DAP3: variants seen among roughly 807,000 people sequenced by gnomAD.
DAP3 encodes the protein death associated protein 3.
In DAP3, 28 loss-of-function variants were observed where a neutral mutation model predicts 51.9. That is an observed-to-expected ratio of 0.54 (90% CI 0.40 to 0.74). The LOEUF (loss-of-function observed/expected upper bound fraction) is 0.74. Among genes scored for constraint, DAP3 ranks in the 30% least tolerant of loss-of-function variants. The probability of loss-of-function intolerance (pLI) is 0.00; values close to 1 mark genes in which losing one functional copy is unlikely to be tolerated. For missense variants in DAP3, 458 were observed against 483.5 expected (o/e 0.95, Z 0.49); for synonymous variants, 170 against 170.3 (o/e 1.00, Z 0.01).
rs1656025261 is a variant in DAP3 at position 155,706,702 on chromosome 1, G to C, written c.-7-3071G>C. Among the ~76,000 whole-genome samples, 4 of 152,072 alleles carry C rather than the reference G, an allele frequency of 2.6e-5. No homozygotes were observed. The South Asian group carries it at 8.3e-4, about 32-fold the overall frequency. On this transcript the variant is annotated intron_variant, in intron 1 of 12. Coordinates refer to ENST00000368336, the MANE Select transcript of DAP3 (RefSeq NM_004632.4). ...GAATCGCTTGAGCCCGGGGAGGCAA[G>C]GTTCCAGTGAACTCCAGCTTGGGTG...
chr1:155,726,113 CTT>C (rs377658512), intron 6 of DAP3, 94 bp downstream of exon 6: 18,648 of 658,386 alleles, frequency 0.028, no homozygotes, highest in South Asian at 0.04. Flanking sequence ...CTTTTCTTTT[CTT>C]TTTTTTTTTT....
At chr1:155,706,813 C>CTATTA (rs2149137993) in intron 1 of DAP3, among the ~76,000 whole-genome samples, 1 of 151,202 alleles carries the variant, frequency 6.6e-6, no homozygotes, top group Admixed American at 6.6e-5. Flanking sequence ...GCCAAGGGGG[C>CTATTA]CGGGTGTGGT....
rs1050806587 is a variant in DAP3 at position 155,730,181 on chromosome 1, G to A, written c.843+815G>A. Among the ~76,000 whole-genome samples the A allele has an allele frequency of 3.4e-5, 5 of 146,536 alleles. No individual in the cohort carries two copies. The South Asian group carries it at 8.5e-4, about 25-fold the overall frequency. ...CGAATATACCTATATGTTCATATAT[G>A]TATATATAATATTCATATATGTATA... is the stretch of plus-strand genomic sequence containing the variant. On this transcript the variant is annotated intron_variant, in intron 9 of 12. Coordinates refer to ENST00000368336, the MANE Select transcript of DAP3 (RefSeq NM_004632.4).
intron 2 of DAP3, among the ~76,000 whole-genome samples, chr1:155,714,214 G>A (rs1476269767): frequency 1.3e-5 from 2 of 152,120 alleles, no homozygotes; most frequent in African/African-American, 4.8e-5. Context: ...TTTTGACATC[G>A]TTCTGGAACC....
chr1:155,689,269 C>A (rs1300732149), intron 1 of DAP3, 95 bp downstream of exon 1: 1 of 660,366 alleles, frequency 1.5e-6, no homozygotes, highest in African/African-American at 1.8e-5. Flanking sequence ...GGTAGACCGG[C>A]GCGCCTCCGG....
At chr1:155,719,261 GTT>G (rs1351121988) in intron 3 of DAP3, among the ~76,000 whole-genome samples, 1 of 144,916 alleles carries the variant, frequency 6.9e-6, no homozygotes, top group East Asian at 2.0e-4. Flanking sequence ...TTGAGACAGA[GTT>G]TCACTCTTCT....
chr1:155,714,852 G>A (rs1424959004), intron 2 of DAP3, among the ~76,000 whole-genome samples: 1 of 152,184 alleles, frequency 6.6e-6, no homozygotes, highest in Non-Finnish European at 1.5e-5. Context: ...GTCATAAAAT[G>A]GGTGTAAGTG....
chr1:155,734,949 A>G (rs1659603462), intron 11 of DAP3, among the ~76,000 whole-genome samples: 1 of 152,132 alleles, frequency 6.6e-6, no homozygotes, highest in African/African-American at 2.4e-5. Context: ...ATACTAGAAT[A>G]TATGAAAAGT....
chr1:155,711,416 C>T (rs542189449), intron 2 of DAP3, among the ~76,000 whole-genome samples: 9 of 152,134 alleles, frequency 5.9e-5, no homozygotes, highest in African/African-American at 1.9e-4. Context: ...TCGCTTGAAC[C>T]CAAGAGGTAG....
At chr1:155,721,358 GTA>G (rs951082828) in intron 3 of DAP3, among the ~76,000 whole-genome samples, 157 bp from the exon 4 acceptor site, 1 of 147,430 alleles carries the variant, frequency 6.8e-6, no homozygotes, top group Admixed American at 6.8e-5. Flanking sequence ...ATATGTATGT[GTA>G]TATATATATG....
chr1:155,693,967 A>G (rs529176692), intron 1 of DAP3, among the ~76,000 whole-genome samples: 2 of 141,468 alleles, frequency 1.4e-5, no homozygotes, highest in Non-Finnish European at 2.9e-5. Context: ...CTCTCAAAAA[A>G]AAAGAAAGAA....
In DAP3 at chr1:155,736,752, G is replaced by C; in HGVS notation, c.994-194G>C. 4 of 587,516 alleles carry C rather than the reference G, an allele frequency of 6.8e-6. No individual in the cohort carries two copies. In the South Asian group the frequency reaches 7.7e-5, roughly 11 times the overall value. 36.4% of individuals were successfully genotyped at this position (587,516 alleles called of 1,614,324 possible). On this transcript the variant is annotated intron_variant, in intron 11 of 12. Transcript: ENST00000368336. ...AATATATAGCATTTGTGGCCACGTA[G>C]AGCACGAGTAGCCAGCCACCATATG... is the stretch of plus-strand genomic sequence containing the variant.
At chr1:155,696,312 A>G (rs570816908) in intron 1 of DAP3, among the ~76,000 whole-genome samples, 17 of 151,906 alleles carry the variant, frequency 1.1e-4, no homozygotes, top group African/African-American at 3.9e-4. Flanking sequence ...CTCTTAACTC[A>G]TTCATGGCCT....
chr1:155,708,687 A>G (rs1004776766), intron 1 of DAP3, among the ~76,000 whole-genome samples: 1 of 143,456 alleles, frequency 7.0e-6, no homozygotes, highest in Non-Finnish European at 1.5e-5. Flanking sequence ...GGTGCATATC[A>G]CCACTCCTGA....
intron 1 of DAP3, among the ~76,000 whole-genome samples, chr1:155,690,230 G>T (rs1653558933): frequency 7.1e-6 from 1 of 141,594 alleles, no homozygotes; most frequent in African/African-American, 3.2e-5. Context: ...CTCCAGATGT[G>T]GAATCTTCTA....
At chr1:155,725,084 G>C (rs1658425589) in intron 4 of DAP3, among the ~76,000 whole-genome samples, 1 of 151,982 alleles carries the variant, frequency 6.6e-6, no homozygotes, top group Admixed American at 6.6e-5. Context: ...ACATAATTTT[G>C]TTATGAGATA....
intron 4 of DAP3, among the ~76,000 whole-genome samples, chr1:155,723,665 A>G (rs1363101622): frequency 6.6e-6 from 1 of 152,160 alleles, no homozygotes; most frequent in Admixed American, 6.6e-5. Flanking sequence ...GTTTTTTTGA[A>G]CATTGAGCCT....
chr1:155,729,379 G>A lies in DAP3; in HGVS notation c.843+13G>A. The A allele has an allele frequency of 6.2e-7, 1 of 1,612,740 alleles. No homozygotes were observed. On this transcript the variant is annotated intron_variant, in intron 9 of 12. Transcript: ENST00000368336. ...AGATAAAAGCCCGGTAGGAAAACTG[G>A]GTGTCTCTATCTTGTTTCTCTGATT... is the stretch of plus-strand genomic sequence containing the variant.
chr1:155,703,703 A>G, intron 1 of DAP3, among the ~76,000 whole-genome samples: 1 of 152,012 alleles, frequency 6.6e-6, no homozygotes, highest in East Asian at 1.9e-4. Context: ...ACACCCAGCT[A>G]ATTTTTTGTA....
Sources: gnomAD v4.1 joint callset for allele counts (sites outside exome capture counted in the v4.1 genomes callset) on GRCh38, gnomAD v4.1.1 for gene constraint, MANE v1.5 for transcripts, NCBI Gene and HGNC (gene_info 2026-07-23, HGNC 2026-07-21) for gene names.